The following HTRA1 variants were observed in gnomAD, a reference collection of about 807,000 sequenced individuals.
HTRA1 encodes HtrA serine peptidase 1.
Under a neutral mutation model 49.7 loss-of-function variants are expected in HTRA1, and 26 were observed. The observed-to-expected ratio is 0.52, with a 90% CI of 0.38 to 0.73. The LOEUF (loss-of-function observed/expected upper bound fraction) is 0.73. HTRA1 is among the 30% of genes least tolerant of loss of function. The pLI is 0.00. For synonymous variants in HTRA1, 291 were observed against 286.9 expected (o/e 1.01, Z -0.14); for missense variants, 561 against 667.2 (o/e 0.84, Z 1.75).
At position 122,496,145 on chromosome 10, in the gene HTRA1, C is replaced by T. The variant is rs78133032; in HGVS notation, c.777+6519C>T. On this transcript the variant is annotated intron_variant, in intron 3 of 8. Coordinates refer to ENST00000368984, the MANE Select transcript of HTRA1 (RefSeq NM_002775.5). Reference sequence around the variant, plus strand: ...GGCAGGAATGCTTATAAGAACCAAGCGAGGTGAAGCACTAGGTGGCCGCGG... The same window carrying T: ...GGCAGGAATGCTTATAAGAACCAAGTGAGGTGAAGCACTAGGTGGCCGCGG... 9.5e-3 allele frequency among the ~76,000 whole-genome samples: 1,396 copies of T among 147,414 alleles called. 24 individuals carry two copies. Among genetic ancestry groups the T allele is most frequent in the African/African-American group, 0.033 (1,323 of 39,612 alleles).
At chr10:122,484,870 C>T (rs921210313) in intron 1 of HTRA1, among the ~76,000 whole-genome samples, 2 of 152,198 alleles carry the variant, frequency 1.3e-5, no homozygotes, top group Admixed American at 6.5e-5. Flanking sequence ...GACGCCCCCA[C>T]CCTCTGTCCC....
At chr10:122,508,049 G>C (rs1179529290) in intron 5 of HTRA1, among the ~76,000 whole-genome samples, 1 of 140,756 alleles carries the variant, frequency 7.1e-6, no homozygotes, top group African/African-American at 2.5e-5. Flanking sequence ...GCAAGGCCCA[G>C]TGTGATGGCA....
intron 3 of HTRA1, among the ~76,000 whole-genome samples, chr10:122,497,974 G>A (rs547669327): frequency 9.2e-5 from 14 of 152,222 alleles, no homozygotes; most frequent in African/African-American, 2.6e-4. Context: ...ATTAGCTGTC[G>A]GGCCCCCATG....
chr10:122,511,441 CAAT>C (rs1565437279), intron 7 of HTRA1, among the ~76,000 whole-genome samples: 1 of 152,080 alleles, frequency 6.6e-6, no homozygotes, highest in African/African-American at 2.4e-5. Flanking sequence ...GAAATAATAA[CAAT>C]GATGATGGCT....
Position 122,514,447 on chromosome 10 carries a change from T to A in HTRA1, c.*88T>A. 1 of 1,342,056 alleles carries A rather than the reference T, an allele frequency of 7.5e-7. No homozygotes were observed. The allele number at this position is 1,342,056 out of a possible 1,614,324, so 83.1% of individuals were successfully genotyped here. ...ACTCTGGGCTGCTGGAATAGGACAC[T>A]CAAGACTTTTGACTGCCATTTTGTT... On this transcript the variant is annotated 3_prime_UTR_variant, in exon 9 of 9. Transcript: ENST00000368984.
At chr10:122,512,882 T>A (rs890768869) in intron 8 of HTRA1, among the ~76,000 whole-genome samples, 13 of 152,168 alleles carry the variant, frequency 8.5e-5, no homozygotes, top group African/African-American at 3.1e-4. Context: ...GTCCCCAGAG[T>A]CCATTGTATC....
intron 1 of HTRA1, among the ~76,000 whole-genome samples, chr10:122,467,880 A>T (rs895463452): frequency 1.3e-5 from 2 of 152,156 alleles, no homozygotes; most frequent in African/African-American, 2.4e-5. Flanking sequence ...TGGAAGTTAC[A>T]GTGATTCAGC....
Position 122,488,897 on chromosome 10 carries a change from C to T in HTRA1, c.473-5C>T. On this transcript the variant is annotated splice_polypyrimidine_tract_variant and splice_region_variant and intron_variant, in intron 1 of 8. Transcript: ENST00000368984. ...TAAGTATCTATTCTTTGCTTTTGTT[C>T]TCAGGGCAGGAAGATCCCAACAGTT... 6.2e-7 allele frequency: 1 copy of T among 1,612,440 alleles called. No individual in the cohort carries two copies. The highest frequency in any genetic ancestry group is 2.2e-5 in the East Asian group (1 of 44,860).
intron 3 of HTRA1, among the ~76,000 whole-genome samples, chr10:122,495,803 A>G (rs2097498321): frequency 6.6e-6 from 1 of 152,146 alleles, no homozygotes; most frequent in Admixed American, 6.5e-5. Flanking sequence ...GGGGAATACA[A>G]ATTGCTTCCA....
At chr10:122,507,423 G>T in intron 5 of HTRA1, 21 bp downstream of exon 5, 1 of 1,584,186 alleles carries the variant, frequency 6.3e-7, no homozygotes, top group Non-Finnish European at 8.7e-7. Context: ...TTAAACCTAT[G>T]TTAGGTCATT....
At chr10:122,477,694 T>G (rs1168224995) in intron 1 of HTRA1, among the ~76,000 whole-genome samples, 2 of 152,186 alleles carry the variant, frequency 1.3e-5, no homozygotes, top group East Asian at 3.9e-4. Context: ...TGTCTCAGGC[T>G]TTAGAGCAGG....
Position 122,508,723 on chromosome 10 carries a change from A to G in HTRA1, c.1073A>G (p.Asp358Gly). ...GGAATCTCCTTTGCAATCCCATCTG[A>G]TAAGATTAAAAAGTTCCTCACGGAG... ...TAGISFAIPS[D>G]KIKKFLTESH... is the part of the protein sequence containing the mutation. The change falls in exon 6 of 9, where the codon GAT becomes GGT. Residue 358 changes from aspartate (D) to glycine (G), a missense_variant. This residue lies in a region of HTRA1 where 179 missense variants were observed against 173.4 expected (regional missense o/e 1.03). Coordinates refer to ENST00000368984, the MANE Select transcript of HTRA1 (RefSeq NM_002775.5). The G allele has an allele frequency of 6.2e-7, 1 of 1,614,012 alleles. No homozygotes were observed. The highest frequency in any genetic ancestry group is 8.5e-7 in the Non-Finnish European group (1 of 1,179,874).
intron 1 of HTRA1, among the ~76,000 whole-genome samples, chr10:122,462,780 CTCCTT>C (rs2133906088): frequency 6.6e-6 from 1 of 152,340 alleles, no homozygotes; most frequent in African/African-American, 2.4e-5. Context: ...ATGAAAGTGG[CTCCTT>C]TTGAATAAGC....
At chr10:122,507,532 A>G (rs2097503599) in intron 5 of HTRA1, 130 bp downstream of exon 5, 2 of 748,680 alleles carry the variant, frequency 2.7e-6, no homozygotes, top group African/African-American at 1.7e-5. Flanking sequence ...GCCAAAGTGT[A>G]TTATAAATTC....
At chr10:122,468,174 T>TA (rs1419897615) in intron 1 of HTRA1, among the ~76,000 whole-genome samples, 2 of 152,186 alleles carry the variant, frequency 1.3e-5, no homozygotes, top group East Asian at 3.8e-4. Flanking sequence ...ATGCTCAGCT[T>TA]AAGGGCTGGG....
rs1030015204 is a variant in HTRA1 at position 122,494,830 on chromosome 10, G to A, written c.777+5204G>A. Among the ~76,000 whole-genome samples, 8 of 152,270 alleles carry A rather than the reference G, an allele frequency of 5.3e-5. No homozygotes were observed. The highest frequency in any genetic ancestry group is 1.7e-4 in the African/African-American group (7 of 41,552). ...CCTGATCCTCATCAAGTTCAGACGG[G>A]GGTCACTGCGGGTGAGGGGCCTGGG... On this transcript the variant is annotated intron_variant, in intron 3 of 8. Coordinates refer to ENST00000368984, the MANE Select transcript of HTRA1 (RefSeq NM_002775.5). The surrounding 1 kb of genome is among the most constrained non-coding windows in gnomAD (Gnocchi z 4.0).
chr10:122,476,763 G>C (rs1211646154), intron 1 of HTRA1, among the ~76,000 whole-genome samples: 1 of 152,098 alleles, frequency 6.6e-6, no homozygotes, highest in Non-Finnish European at 1.5e-5. Flanking sequence ...CTAGAGGGAT[G>C]GTTGCGCTTG....
At chr10:122,477,798 C>CT (rs5788558) in intron 1 of HTRA1, among the ~76,000 whole-genome samples, 6,711 of 152,284 alleles carry the variant, frequency 0.044, 261 homozygotes, top group East Asian at 0.14. Flanking sequence ...CTGCCTGGCC[C>CT]TTCAAGTGAG....
intron 1 of HTRA1, among the ~76,000 whole-genome samples, chr10:122,462,993 C>A (rs1486926554): frequency 6.6e-6 from 1 of 152,272 alleles, no homozygotes; most frequent in Non-Finnish European, 1.5e-5. Context: ...TGCTCCTCAT[C>A]TTCAGGCAGA....
Sources: gnomAD v4.1 joint callset for allele counts (sites outside exome capture counted in the v4.1 genomes callset) on GRCh38, gnomAD v4.1.1 for gene constraint, gnomAD v4.1.1 regional missense constraint, Gnocchi (gnomAD v3.1) non-coding constraint, MANE v1.5 for transcripts, NCBI Gene and HGNC (gene_info 2026-07-23, HGNC 2026-07-21) for gene names.